The following RCSD1 variants were observed in gnomAD, a reference collection of about 807,000 sequenced individuals.
The protein encoded by RCSD1 is capZ-interacting protein.
RCSD1 carries 26 observed loss-of-function variants against 42.5 expected under a neutral mutation model. The observed-to-expected ratio is 0.61, with a 90% confidence interval of 0.45 to 0.85. RCSD1 has a LOEUF of 0.85. RCSD1 is among the 40% of genes least tolerant of loss of function. The pLI, the probability that RCSD1 is intolerant of heterozygous loss-of-function variation, is 0.00. For missense variants in RCSD1, 571 were observed against 528.3 expected, an observed-to-expected ratio of 1.08 and a Z score of -0.79; for synonymous variants, 220 against 212.2, an observed-to-expected ratio of 1.04 and a Z score of -0.32.
chr1:167,668,958 C>G (rs1423387761), intron 1 of RCSD1, among the ~76,000 whole-genome samples: 1 of 152,210 alleles, frequency 6.6e-6, no homozygotes, highest in Non-Finnish European at 1.5e-5. Context: ...TGTAGTTAAA[C>G]AGATTTGTGA....
intron 1 of RCSD1, among the ~76,000 whole-genome samples, chr1:167,682,837 C>G (rs1049418576): frequency 7.2e-5 from 11 of 152,078 alleles, no homozygotes; most frequent in African/African-American, 2.7e-4. Flanking sequence ...TCAGACTAGA[C>G]GTGAGGAGGG....
chr1:167,637,026 C>T (rs1657877357), intron 1 of RCSD1, among the ~76,000 whole-genome samples: 2 of 152,192 alleles, frequency 1.3e-5, no homozygotes, highest in South Asian at 4.1e-4. Flanking sequence ...AACACCTAAA[C>T]AGATTATTGC....
intron 4 of RCSD1, 111 bp from the exon 5 acceptor site, chr1:167,693,988 C>T: frequency 2.1e-6 from 2 of 952,072 alleles, no homozygotes; most frequent in Non-Finnish European, 3.2e-6. Context: ...CATGAAAAGC[C>T]TGGTGTTACC....
chr1:167,673,378 G>A (rs377124142), intron 1 of RCSD1, among the ~76,000 whole-genome samples: 48 of 152,254 alleles, frequency 3.2e-4, no homozygotes, highest in Non-Finnish European at 6.2e-4. Flanking sequence ...TCATCATCTC[G>A]GCTTAAGAAA....
intron 1 of RCSD1, among the ~76,000 whole-genome samples, chr1:167,643,036 C>T (rs1234872529): frequency 2.6e-5 from 4 of 152,184 alleles, no homozygotes; most frequent in Non-Finnish European, 4.4e-5. Flanking sequence ...GGGTCAGTTA[C>T]CAGCCTCAGG....
In RCSD1 at chr1:167,706,705, C is replaced by A. The variant is rs1345311632; in HGVS notation, c.*2009C>A. 6.6e-6 allele frequency among the ~76,000 whole-genome samples: 1 copy of A among 152,124 alleles called. No individual in the cohort carries two copies. The highest frequency in any genetic ancestry group is 2.4e-5 in the African/African-American group (1 of 41,412). On this transcript the variant is annotated 3_prime_UTR_variant, in exon 7 of 7. Coordinates refer to ENST00000367854, the MANE Select transcript of RCSD1 (RefSeq NM_052862.4). ...GTGTATTTTGTGAAAAAAATAGAGG[C>A]CCCATTCCCAGGGCTTGTTCATTAA... is the stretch of plus-strand genomic sequence containing the variant.
intron 1 of RCSD1, among the ~76,000 whole-genome samples, chr1:167,670,666 C>T (rs1163277756): frequency 1.3e-5 from 2 of 152,130 alleles, no homozygotes; most frequent in African/African-American, 2.4e-5. Flanking sequence ...CAGGGTCTGC[C>T]GTGGGCCCTC....
At chr1:167,630,893 TG>T (rs1571660940) in intron 1 of RCSD1, among the ~76,000 whole-genome samples, 3 of 152,336 alleles carry the variant, frequency 2.0e-5, no homozygotes, top group East Asian at 3.9e-4. Flanking sequence ...TTCGTGGGTC[TG>T]TGGGCTTCCC....
At chr1:167,642,108 G>T (rs1016473434) in intron 1 of RCSD1, 1 of 152,198 alleles carries the variant, frequency 6.6e-6, no homozygotes, top group African/African-American at 2.4e-5. Context: ...CTTTTGGAAG[G>T]TTCCTAACTA....
At chr1:167,687,995 CTA>C (rs146682555) in intron 3 of RCSD1, among the ~76,000 whole-genome samples, 1 of 152,194 alleles carries the variant, frequency 6.6e-6, no homozygotes, top group Non-Finnish European at 1.5e-5. Context: ...GTAAATACAG[CTA>C]TATATATACA....
rs5778560 is a variant in RCSD1, at chr1:167,647,130, C to CAAAAAAAAA, written c.6+16702_6+16710dup. 3.1e-4 allele frequency among the ~76,000 whole-genome samples: 35 copies of CAAAAAAAAA among 112,542 alleles called. 9 individuals are homozygous for CAAAAAAAAA. The highest frequency in any genetic ancestry group is 7.4e-4 in the Admixed American group (8 of 10,792). 73.8% of individuals were successfully genotyped at this position (112,542 alleles called of 152,430 possible). On this transcript the variant is annotated intron_variant, in intron 1 of 6. Coordinates refer to ENST00000367854, the MANE Select transcript of RCSD1 (RefSeq NM_052862.4). ...GGGCAAAAAGAGTGAAACTCCATCT[C>CAAAAAAAAA]AAAAAAAAAGAGAGAGAGAAGGGGG...
At chr1:167,701,256 C>CT (rs775951221) in intron 6 of RCSD1, among the ~76,000 whole-genome samples, 1 of 81,884 alleles carries the variant, frequency 1.2e-5, no homozygotes, top group African/African-American at 6.5e-5. Flanking sequence ...TGCCTAGTTT[C>CT]TTTCTTTCTT....
chr1:167,674,997 G>A (rs1658904754), intron 1 of RCSD1, among the ~76,000 whole-genome samples: 1 of 151,966 alleles, frequency 6.6e-6, no homozygotes, highest in South Asian at 2.1e-4. Flanking sequence ...ACAAAGTCAG[G>A]AGATCAAGAC....
intron 2 of RCSD1, 110 bp downstream of exon 2, chr1:167,684,111 G>C (rs1275123858): frequency 1.2e-6 from 1 of 833,696 alleles, no homozygotes; most frequent in Non-Finnish European, 1.9e-6. Flanking sequence ...TACCAAATTA[G>C]GAAGAGAAGC....
chr1:167,676,516 G>A (rs927315541), intron 1 of RCSD1, among the ~76,000 whole-genome samples: 1 of 152,170 alleles, frequency 6.6e-6, no homozygotes, highest in African/African-American at 2.4e-5. Flanking sequence ...TGTTCTTTGT[G>A]CTTTCCCACC....
intron 1 of RCSD1, among the ~76,000 whole-genome samples, chr1:167,668,083 G>A (rs112738695): frequency 1.3e-5 from 2 of 152,060 alleles, no homozygotes; most frequent in Non-Finnish European, 1.5e-5. Flanking sequence ...CTGAGGTCAG[G>A]AGTTCAAAAC....
chr1:167,685,210 A>G (rs1659197148), intron 2 of RCSD1, among the ~76,000 whole-genome samples: 1 of 152,194 alleles, frequency 6.6e-6, no homozygotes, highest in South Asian at 2.1e-4. Flanking sequence ...GTAGATGGTA[A>G]ATAGAATTAA....
At position 167,688,401 on chromosome 1, in the gene RCSD1, G is replaced by T. The variant is rs545114016; in HGVS notation, c.199-1648G>T. Among the ~76,000 whole-genome samples the T allele has an allele frequency of 2.0e-4, 30 of 152,200 alleles. 1 individual carries two copies. In the South Asian group the frequency reaches 3.1e-3, roughly 16 times the overall value. ...TCCCTGTAAAGCACAGAAACCAAGG[G>T]CACTTCCATTGGGGCTGGAAGCTCT... On this transcript the variant is annotated intron_variant, in intron 3 of 6. Transcript: ENST00000367854.
intron 2 of RCSD1, among the ~76,000 whole-genome samples, chr1:167,684,858 G>C (rs889755382): frequency 1.3e-5 from 2 of 152,146 alleles, no homozygotes; most frequent in African/African-American, 4.8e-5. Flanking sequence ...CGGGCAACAA[G>C]AGCGAAACTC....
Sources: allele counts gnomAD v4.1 joint callset (sites outside exome capture counted in the v4.1 genomes callset), GRCh38; gene constraint gnomAD v4.1.1; transcripts MANE v1.5; gene names NCBI Gene and HGNC (gene_info 2026-07-23, HGNC 2026-07-21).